Variants in RNF19A observed in about 807,000 individuals in gnomAD.
RNF19A encodes the protein E3 ubiquitin-protein ligase RNF19A.
RNF19A carries 32 observed loss-of-function variants against 75.7 expected under a neutral mutation model. The observed-to-expected ratio is 0.42, with a 90% confidence interval of 0.32 to 0.57. The LOEUF is 0.57. RNF19A is among the 20% of genes least tolerant of loss of function. The pLI, the probability that RNF19A is intolerant of heterozygous loss-of-function variation, is 0.10. For synonymous variants in RNF19A, 335 were observed against 345.2 expected, an observed-to-expected ratio of 0.97 and a Z score of 0.33; for missense variants, 782 against 1,036.3, an observed-to-expected ratio of 0.75 and a Z score of 3.37.
rs1819735761 is a variant in RNF19A, at chr8:100,261,876, A to G, written c.1469-121T>C. The stretch of plus-strand genomic sequence containing the variant: ...GTATAAAATATACGCAGACATGGAA[A>G]AATATTTTTTTCAGGCTAGTCCACT... On this transcript the variant is annotated intron_variant, in intron 7 of 9. Coordinates refer to ENST00000341084, the MANE Select transcript of RNF19A (RefSeq NM_183419.4). The surrounding 1 kb of genome is among the most constrained non-coding windows in gnomAD (Gnocchi z 4.4). 2.9e-6 allele frequency: 3 copies of G among 1,019,238 alleles called. No homozygotes were observed. The highest frequency in any genetic ancestry group is 1.5e-6 in the Non-Finnish European group (1 of 682,742). 63.1% of individuals were successfully genotyped at this position (1,019,238 alleles called of 1,614,324 possible). A position where few individuals can be genotyped will look rare whatever the true frequency, so the allele number is the denominator to read the frequency against.
rs548884907 is a variant in RNF19A, at chr8:100,317,839, G to A, written c.-242-4467C>T. Among the ~76,000 whole-genome samples, 3 of 152,312 alleles carry A rather than the reference G, an allele frequency of 2.0e-5. No individual in the cohort carries two copies. The highest frequency in any genetic ancestry group is 1.9e-4 in the East Asian group (1 of 5,190). ...AGGACACTCATGGCTTACACCTATT[G>A]TGGGGACCTGATTATTAACAGTACC... is the stretch of plus-strand genomic sequence containing the variant. On this transcript the variant is annotated intron_variant, in intron 1 of 3. Coordinates refer to the RNF19A transcript ENST00000519527. This position sits in a 1 kb window ranked among gnomAD's most constrained non-coding sequence, Gnocchi z 4.3.
Position 100,323,795 on chromosome 8 carries a change from T to C in RNF19A, c.-242-10423A>G, listed in dbSNP as rs1224452163. ...GGCTGGAAGGGAAAATTTAGGGCCC[T>C]GTGTTAACTTGTTGAAATTCATACT... On this transcript the variant is annotated intron_variant, in intron 1 of 3. Transcript: ENST00000519527. The surrounding 1 kb of genome is among the most constrained non-coding windows in gnomAD (Gnocchi z 4.6). 6.6e-6 allele frequency among the ~76,000 whole-genome samples: 1 copy of C among 152,212 alleles called. No homozygotes were observed. The highest frequency in any genetic ancestry group is 1.5e-5 in the Non-Finnish European group (1 of 68,028).
upstream of RNF19A, among the ~76,000 whole-genome samples, chr8:100,312,092 T>C (rs1822308249): frequency 6.6e-6 from 1 of 152,224 alleles, no homozygotes; most frequent in African/African-American, 2.4e-5. Context: ...CCTAGGATTG[T>C]TCCCAGGCCC....
chr8:100,288,903 AC>A (rs1821158090), intron 1 of RNF19A, among the ~76,000 whole-genome samples: 3 of 152,102 alleles, frequency 2.0e-5, no homozygotes, highest in African/African-American at 7.2e-5. Context: ...TTTTAAAAAT[AC>A]AAAAAACTAG....
intron 1 of RNF19A, among the ~76,000 whole-genome samples, chr8:100,326,930 C>T (rs1822541221): frequency 6.6e-6 from 1 of 152,304 alleles, no homozygotes; most frequent in South Asian, 2.1e-4. Flanking sequence ...AAATTTGGTT[C>T]TGTCCCAAAA....
chr8:100,273,359 G>C (rs537757142), intron 3 of RNF19A, among the ~76,000 whole-genome samples: 1 of 152,192 alleles, frequency 6.6e-6, no homozygotes, highest in East Asian at 1.9e-4. Context: ...ATCTTACTTT[G>C]CATCTATACC....
rs1364769869 is a variant in RNF19A at position 100,287,376 on chromosome 8, T to C, written c.674+125A>G. ...CTAGCATAGTGCCTGACATATGGTGTGCACTCAACATGTCTGTTGAATGAA... is the reference window on the plus strand; with the variant it reads ...CTAGCATAGTGCCTGACATATGGTGCGCACTCAACATGTCTGTTGAATGAA... On this transcript the variant is annotated intron_variant, in intron 2 of 9. Transcript: ENST00000341084. This position sits in a 1 kb window ranked among gnomAD's most constrained non-coding sequence, Gnocchi z 4.1. The C allele has an allele frequency of 3.9e-6, 3 of 760,184 alleles. No individual in the cohort carries two copies. Among genetic ancestry groups the C allele is most frequent in the Non-Finnish European group, 6.3e-6 (3 of 474,290 alleles). 47.1% of individuals were successfully genotyped at this position (760,184 alleles called of 1,614,324 possible).
chr8:100,288,742 A>G (rs1411577109), intron 1 of RNF19A, among the ~76,000 whole-genome samples: 1 of 152,196 alleles, frequency 6.6e-6, no homozygotes, highest in Non-Finnish European at 1.5e-5. Context: ...TACAAAGACC[A>G]GTGGAACAAA....
At chr8:100,299,043 T>G (rs1033057021) in intron 1 of RNF19A, among the ~76,000 whole-genome samples, 3 of 152,212 alleles carry the variant, frequency 2.0e-5, no homozygotes, top group Admixed American at 6.5e-5. Flanking sequence ...GAGACTAATT[T>G]GAATGCTGCA....
intron 3 of RNF19A, among the ~76,000 whole-genome samples, chr8:100,271,231 A>G (rs1820239246): frequency 6.6e-6 from 1 of 151,730 alleles, no homozygotes. Flanking sequence ...AGCAATTTTG[A>G]GCAAACTGAT....
rs189442994 is a variant in RNF19A at position 100,289,220 on chromosome 8, C to T, written c.-93-953G>A. Among the ~76,000 whole-genome samples, 546 of 152,134 alleles carry T rather than the reference C, an allele frequency of 3.6e-3. 2 individuals are homozygous for T. Among genetic ancestry groups the T allele is most frequent in the Non-Finnish European group, 6.1e-3 (417 of 67,996 alleles). ...AGAAACTTGATGGATGGATGGCTCA[C>T]CCATGTGTGAAAATCAATTACAGAT... On this transcript the variant is annotated intron_variant, in intron 1 of 9. Transcript: ENST00000341084.
chr8:100,322,598 G>A lies in RNF19A; in HGVS notation c.-242-9226C>T, dbSNP rs1299218574. 6.6e-6 allele frequency among the ~76,000 whole-genome samples: 1 copy of A among 152,208 alleles called. No individual in the cohort carries two copies. The highest frequency in any genetic ancestry group is 1.5e-5 in the Non-Finnish European group (1 of 68,038). On this transcript the variant is annotated intron_variant, in intron 1 of 3. Coordinates refer to the RNF19A transcript ENST00000519527. The surrounding 1 kb of genome is among the most constrained non-coding windows in gnomAD (Gnocchi z 5.1). The stretch of plus-strand genomic sequence containing the variant: ...AACTTTTCCTTTGCATTTACAACTT[G>A]GCTAACTGGCATAAGAGGCCTAGCT...
chr8:100,332,064 G>T lies in RNF19A; in HGVS notation c.-243+4044C>A. Among the ~76,000 whole-genome samples, 1 of 152,086 alleles carries T rather than the reference G, an allele frequency of 6.6e-6. No homozygotes were observed. The highest frequency in any genetic ancestry group is 1.5e-5 in the Non-Finnish European group (1 of 68,006). On this transcript the variant is annotated intron_variant, in intron 1 of 3. Transcript: ENST00000519527. The surrounding 1 kb of genome is among the most constrained non-coding windows in gnomAD (Gnocchi z 4.8). ...TATGCTCCTACAAACATATTTGTAA[G>T]AATTATCTGGGTTATATATTATTTT...
At chr8:100,268,055 TAA>T (rs1032521217) in intron 5 of RNF19A, among the ~76,000 whole-genome samples, 4 of 151,952 alleles carry the variant, frequency 2.6e-5, no homozygotes, top group Non-Finnish European at 5.9e-5. Context: ...TTTTATTTTT[TAA>T]AAAAAGTTTT....
intron 1 of RNF19A, among the ~76,000 whole-genome samples, chr8:100,296,837 G>T (rs28562556): frequency 0.13 from 19,952 of 152,158 alleles, 3,998 homozygotes; most frequent in African/African-American, 0.43. Context: ...CCAGTTGAAG[G>T]TGCAACTCTT....
intron 1 of RNF19A, 41 bp from the exon 2 acceptor site, chr8:100,288,308 T>C: frequency 1.7e-6 from 2 of 1,152,716 alleles, no homozygotes; most frequent in Non-Finnish European, 2.3e-6. Flanking sequence ...CATTTAATTG[T>C]ATTCTTAGTT....
At chr8:100,304,145 A>T (rs919972668) in intron 1 of RNF19A, among the ~76,000 whole-genome samples, 1 of 151,904 alleles carries the variant, frequency 6.6e-6, no homozygotes, top group African/African-American at 2.4e-5. Context: ...TATTTTTAGT[A>T]GAGACAGGGT....
At chr8:100,303,761 T>TAAA (rs60110792) in intron 1 of RNF19A, among the ~76,000 whole-genome samples, 15 of 94,354 alleles carry the variant, frequency 1.6e-4, no homozygotes, top group African/African-American at 5.3e-4. Context: ...TCGCCGCTTG[T>TAAA]AAAAAAAAAA....
intron 5 of RNF19A, among the ~76,000 whole-genome samples, chr8:100,268,025 C>T (rs1820069441): frequency 6.6e-6 from 1 of 151,666 alleles, no homozygotes; most frequent in Non-Finnish European, 1.5e-5. Flanking sequence ...TGCTTGGGTA[C>T]AAGGTTGGGA....
Sources: gnomAD v4.1 joint callset for allele counts (sites outside exome capture counted in the v4.1 genomes callset) on GRCh38, gnomAD v4.1.1 for gene constraint, Gnocchi (gnomAD v3.1) non-coding constraint, MANE v1.5 for transcripts, NCBI Gene and HGNC (gene_info 2026-07-23, HGNC 2026-07-21) for gene names.